DPP10: variants seen among roughly 807,000 people sequenced by gnomAD.
DPP10 encodes the protein dipeptidyl peptidase like 10.
In DPP10, 33 loss-of-function variants were observed where a neutral mutation model predicts 120.9. The ratio of observed to expected loss-of-function variants is 0.27; its 90% CI spans 0.21 to 0.37. The LOEUF is 0.37. Among genes scored for constraint, DPP10 ranks in the 10% least tolerant of loss-of-function variants. The probability of loss-of-function intolerance (pLI) is 1.00; values close to 1 mark genes in which losing one functional copy is unlikely to be tolerated. For missense variants in DPP10, 816 were observed against 942.8 expected (o/e 0.87, Z 1.76); for synonymous variants, 337 against 326.1 (o/e 1.03, Z -0.36).
intron 1 of DPP10, among the ~76,000 whole-genome samples, chr2:114,671,968 C>G (rs1471641372): frequency 6.6e-6 from 1 of 151,988 alleles, no homozygotes; most frequent in Admixed American, 6.6e-5. Context: ...TTTGCTAAGA[C>G]TTTGTTTAGA....
chr2:115,590,180 T>C (rs1442134334), intron 5 of DPP10, among the ~76,000 whole-genome samples: 1 of 115,776 alleles, frequency 8.6e-6, no homozygotes, highest in African/African-American at 2.6e-5. Flanking sequence ...TTATTATTAT[T>C]ATTATACTTT....
intron 1 of DPP10, among the ~76,000 whole-genome samples, chr2:114,818,620 C>G (rs961534670): frequency 6.6e-6 from 1 of 151,836 alleles, no homozygotes; most frequent in Non-Finnish European, 1.5e-5. Flanking sequence ...TATTATAGAT[C>G]TTATTTAGGT....
intron 5 of DPP10, chr2:115,526,398 G>A (rs565948412): frequency 6.5e-6 from 1 of 153,322 alleles, no homozygotes; most frequent in South Asian, 2.1e-4. Flanking sequence ...CATTGATTAT[G>A]GTCAAGGGAT....
At chr2:114,797,583 C>T (rs1452601108) in intron 1 of DPP10, among the ~76,000 whole-genome samples, 1 of 152,124 alleles carries the variant, frequency 6.6e-6, no homozygotes, top group African/African-American at 2.4e-5. Context: ...TTCTCAACAA[C>T]CAATGTTTGA....
chr2:115,092,121 A>G (rs1433323602), intron 1 of DPP10, among the ~76,000 whole-genome samples: 2 of 152,206 alleles, frequency 1.3e-5, no homozygotes, highest in African/African-American at 4.8e-5. Flanking sequence ...AAAGAAACTG[A>G]ACCTCAGAAA....
chr2:114,543,968 T>C (rs1285426894), intron 1 of DPP10, among the ~76,000 whole-genome samples: 1 of 152,046 alleles, frequency 6.6e-6, no homozygotes, highest in East Asian at 1.9e-4. Context: ...ATTCAACAAA[T>C]TTATTTTAAT....
chr2:115,028,330 T>G (rs189238480), intron 1 of DPP10, among the ~76,000 whole-genome samples: 50 of 152,242 alleles, frequency 3.3e-4, no homozygotes, highest in Non-Finnish European at 5.6e-4. Flanking sequence ...AATATCCTTT[T>G]TAATTTCTTT....
At chr2:114,880,366 G>A (rs1691507074) in intron 1 of DPP10, among the ~76,000 whole-genome samples, 1 of 152,096 alleles carries the variant, frequency 6.6e-6, no homozygotes, top group African/African-American at 2.4e-5. Context: ...CTTCAAAGCA[G>A]CTTAAAAAAT....
chr2:115,420,985 T>C (rs843382), intron 3 of DPP10, among the ~76,000 whole-genome samples: 2,214 of 152,270 alleles, frequency 0.015, 58 homozygotes, highest in African/African-American at 0.051. Context: ...AAGATATATT[T>C]CGTAATCTTT....
chr2:114,550,759 T>G (rs961992854), intron 1 of DPP10, among the ~76,000 whole-genome samples: 2 of 151,646 alleles, frequency 1.3e-5, no homozygotes, highest in Non-Finnish European at 2.9e-5. Flanking sequence ...CTGATTAATT[T>G]GTCTGTGTTT....
chr2:114,821,373 G>T lies in DPP10; in HGVS notation c.60+378535G>T, dbSNP rs189015643. Reference sequence around the variant, plus strand: ...TTGATGGACTCAGTTTCTAATGGCTGGCATTTGCACATCAAAGATTGCCTG... The same window carrying T: ...TTGATGGACTCAGTTTCTAATGGCTTGCATTTGCACATCAAAGATTGCCTG... On this transcript the variant is annotated intron_variant, in intron 1 of 25. Coordinates refer to ENST00000410059, the MANE Select transcript of DPP10 (RefSeq NM_020868.6). 2.5e-3 allele frequency among the ~76,000 whole-genome samples: 379 copies of T among 152,306 alleles called. 1 individual carries two copies. Among genetic ancestry groups the T allele is most frequent in the African/African-American group, 7.7e-3 (318 of 41,566 alleles).
chr2:115,708,911 C>T (rs1575576202), intron 7 of DPP10, among the ~76,000 whole-genome samples: 1 of 152,002 alleles, frequency 6.6e-6, no homozygotes, highest in South Asian at 2.1e-4. Flanking sequence ...TCAGAGCAAT[C>T]ACAATGAAAA....
intron 5 of DPP10, among the ~76,000 whole-genome samples, chr2:115,661,180 A>G (rs1281573655): frequency 6.6e-6 from 1 of 151,918 alleles, no homozygotes; most frequent in Non-Finnish European, 1.5e-5. Context: ...TGAACTCCTG[A>G]CCTTGTGATC....
At chr2:115,107,094 C>A (rs1052355401) in intron 1 of DPP10, among the ~76,000 whole-genome samples, 1 of 150,564 alleles carries the variant, frequency 6.6e-6, no homozygotes, top group East Asian at 2.0e-4. Flanking sequence ...AAAAAAAGTT[C>A]TTAAACCAAC....
intron 5 of DPP10, among the ~76,000 whole-genome samples, chr2:115,552,283 G>T (rs2079921689): frequency 6.6e-6 from 1 of 152,130 alleles, no homozygotes; most frequent in African/African-American, 2.4e-5. Flanking sequence ...ATCTCCCAGA[G>T]TTTTCTTAGC....
intron 1 of DPP10, among the ~76,000 whole-genome samples, chr2:114,644,366 CTGTG>C (rs1279481346): frequency 2.0e-5 from 3 of 147,732 alleles, no homozygotes; most frequent in Non-Finnish European, 4.5e-5. Context: ...GTGTGTGTGT[CTGTG>C]TGTGTGTGTA....
At chr2:115,687,797 A>G (rs1439266601) in intron 5 of DPP10, among the ~76,000 whole-genome samples, 1 of 152,096 alleles carries the variant, frequency 6.6e-6, no homozygotes, top group African/African-American at 2.4e-5. Context: ...ACCAAGATTC[A>G]ATAATTATAC....
chr2:114,898,368 G>C (rs1301275559), intron 1 of DPP10, among the ~76,000 whole-genome samples: 1 of 152,034 alleles, frequency 6.6e-6, no homozygotes, highest in Non-Finnish European at 1.5e-5. Context: ...GATGGGGGGA[G>C]GGATAGCTTT....
intron 1 of DPP10, among the ~76,000 whole-genome samples, chr2:114,496,969 C>T (rs1453296919): frequency 6.6e-6 from 1 of 151,348 alleles, no homozygotes; most frequent in East Asian, 2.0e-4. Flanking sequence ...GATAGAAGGA[C>T]CTTGGAGACC....
Sources: allele counts gnomAD v4.1 joint callset (sites outside exome capture counted in the v4.1 genomes callset), GRCh38; gene constraint gnomAD v4.1.1; transcripts MANE v1.5; gene names NCBI Gene and HGNC (gene_info 2026-07-23, HGNC 2026-07-21).